GALNTL6: variants seen among roughly 807,000 people sequenced by gnomAD.
GALNTL6 encodes polypeptide N-acetylgalactosaminyltransferase like 6, also known as polypeptide N-acetylgalactosaminyltransferase-like 6.
Under a neutral mutation model 73.7 loss-of-function variants are expected in GALNTL6, and 46 were observed. The ratio of observed to expected loss-of-function variants is 0.62; its 90% CI spans 0.49 to 0.80. GALNTL6 has a LOEUF of 0.80. Among genes scored for constraint, GALNTL6 ranks in the 30% least tolerant of loss-of-function variants. The pLI, the probability that GALNTL6 is intolerant of heterozygous loss-of-function variation, is 0.00. For synonymous variants in GALNTL6, 259 were observed against 263.7 expected, an observed-to-expected ratio of 0.98 and a Z score of 0.17; for missense variants, 604 against 755.0, an observed-to-expected ratio of 0.80 and a Z score of 2.34.
intron 2 of GALNTL6, among the ~76,000 whole-genome samples, chr4:171,946,918 GGGT>G (rs1738719163): frequency 6.7e-6 from 1 of 150,260 alleles, no homozygotes; most frequent in Admixed American, 6.7e-5. Context: ...AAGTTCCGGG[GGGT>G]ACAAATAAAA....
intron 2 of GALNTL6, chr4:171,815,566 G>T (rs879613248): frequency 1.3e-5 from 2 of 152,178 alleles, no homozygotes; most frequent in Non-Finnish European, 1.5e-5. Flanking sequence ...AATAGCTTCC[G>T]TAATTAAACG....
At chr4:172,518,132 C>G (rs976185551) in intron 5 of GALNTL6, among the ~76,000 whole-genome samples, 13 of 151,376 alleles carry the variant, frequency 8.6e-5, no homozygotes, top group Non-Finnish European at 1.8e-4. Flanking sequence ...CCAAAGGGAT[C>G]CTGGCTATTT....
chr4:172,716,111 AT>A (rs5864160), intron 5 of GALNTL6, among the ~76,000 whole-genome samples: 145,299 of 151,812 alleles, frequency 0.96, 69,837 homozygotes, highest in East Asian at 1. Flanking sequence ...AACTCTAGAG[AT>A]TTTTTTTTTA....
At chr4:172,261,998 T>C (rs1738273276) in intron 3 of GALNTL6, among the ~76,000 whole-genome samples, 2 of 151,404 alleles carry the variant, frequency 1.3e-5, no homozygotes, top group Non-Finnish European at 3.0e-5. Flanking sequence ...GAGTACTTGA[T>C]ATAATTGTTT....
At position 171,967,450 on chromosome 4, in the gene GALNTL6, T is replaced by TTTTTTTTTTG. The variant is rs1553976658; in HGVS notation, c.138+152741_138+152742insGTTTTTTTTT. On this transcript the variant is annotated intron_variant, in intron 2 of 12. Transcript: ENST00000506823. ...TGTAGTTTTCTTCCCCCTATGGGTT[T>TTTTTTTTTTG]TTTTTTTTTTTTTTTGTAGATGTAG... Among the ~76,000 whole-genome samples the TTTTTTTTTTG allele has an allele frequency of 3.1e-4, 42 of 133,388 alleles. 1 individual carries two copies. The highest frequency in any genetic ancestry group is 2.8e-3 in the East Asian group (13 of 4,604). 87.5% of individuals were successfully genotyped at this position (133,388 alleles called of 152,430 possible).
intron 8 of GALNTL6, among the ~76,000 whole-genome samples, chr4:172,919,779 C>G (rs1485771018): frequency 6.6e-6 from 1 of 152,098 alleles, no homozygotes; most frequent in Non-Finnish European, 1.5e-5. Context: ...AGGGAAATGA[C>G]AGGTTAGGTC....
At position 172,069,452 on chromosome 4, in the gene GALNTL6, TATAACACAC is replaced by T. The variant is rs1206855483; in HGVS notation, c.139-160200_139-160192del. On this transcript the variant is annotated intron_variant, in intron 2 of 12. Coordinates refer to ENST00000506823, the MANE Select transcript of GALNTL6 (RefSeq NM_001034845.3). ...ACACATATAACATATATATGTAATA[TATAACACAC>T]ATATAACATATATGTTATATATAAC... Among the ~76,000 whole-genome samples the T allele has an allele frequency of 1.1e-3, 84 of 79,872 alleles. 2 individuals carry two copies. Among genetic ancestry groups the T allele is most frequent in the African/African-American group, 3.1e-3 (71 of 22,974 alleles). The allele number at this position is 79,872 out of a possible 152,430, so 52.4% of individuals were successfully genotyped here. A position where few individuals can be genotyped will look rare whatever the true frequency, so the allele number is the denominator to read the frequency against.
intron 8 of GALNTL6, among the ~76,000 whole-genome samples, chr4:172,908,503 A>G (rs1020804034): frequency 2.6e-5 from 4 of 152,026 alleles, no homozygotes; most frequent in African/African-American, 9.7e-5. Flanking sequence ...GAAATTTTCT[A>G]TTAGGTAATA....
At chr4:172,147,961 C>G (rs554835927) in intron 2 of GALNTL6, among the ~76,000 whole-genome samples, 1 of 152,108 alleles carries the variant, frequency 6.6e-6, no homozygotes, top group Non-Finnish European at 1.5e-5. Flanking sequence ...AAATTTTGAT[C>G]TTTATTACTT....
At chr4:171,928,699 T>C (rs982016436) in intron 2 of GALNTL6, among the ~76,000 whole-genome samples, 2 of 152,214 alleles carry the variant, frequency 1.3e-5, no homozygotes, top group East Asian at 3.8e-4. Flanking sequence ...CTTTCCCCTT[T>C]CTATGTTTAG....
intron 2 of GALNTL6, among the ~76,000 whole-genome samples, chr4:171,900,050 A>C (rs1737034779): frequency 6.6e-6 from 1 of 152,044 alleles, no homozygotes; most frequent in Non-Finnish European, 1.5e-5. Context: ...TATTAAACTA[A>C]ATGAGGGTTA....
At chr4:173,020,667 C>A (rs745642547) in intron 11 of GALNTL6, among the ~76,000 whole-genome samples, 7 of 152,200 alleles carry the variant, frequency 4.6e-5, no homozygotes, top group Non-Finnish European at 7.3e-5. Context: ...GTGCTAGCAT[C>A]AATTCGGCTC....
rs372658380 is a variant in GALNTL6 at position 172,474,488 on chromosome 4, G to A, written c.553+125799G>A. On this transcript the variant is annotated intron_variant, in intron 5 of 12. Transcript: ENST00000506823. ...ATTGGTATCCCAGAGGATGCCCAGA[G>A]CCTGGCATATACTAACTGTACAGAA... Among the ~76,000 whole-genome samples, 42 of 152,332 alleles carry A rather than the reference G, an allele frequency of 2.8e-4. No homozygotes were observed. In the South Asian group the frequency reaches 8.3e-3, roughly 30 times the overall value.
At chr4:172,644,053 T>A (rs1408553556) in intron 5 of GALNTL6, among the ~76,000 whole-genome samples, 2 of 151,960 alleles carry the variant, frequency 1.3e-5, no homozygotes, top group African/African-American at 4.8e-5. Context: ...CTTCAAAATT[T>A]AGTATTTTCT....
At chr4:172,837,095 G>T (rs1372312618) in intron 7 of GALNTL6, among the ~76,000 whole-genome samples, 1 of 152,140 alleles carries the variant, frequency 6.6e-6, no homozygotes, top group African/African-American at 2.4e-5. Flanking sequence ...AGTTATCTAT[G>T]TGCCAAAAAC....
intron 3 of GALNTL6, among the ~76,000 whole-genome samples, chr4:172,237,879 CA>C (rs1378136373): frequency 1.3e-5 from 2 of 151,982 alleles, no homozygotes; most frequent in African/African-American, 4.8e-5. Context: ...TCAGCTTTGT[CA>C]AAGATCAGGT....
At chr4:172,099,611 C>A (rs1403790454) in intron 2 of GALNTL6, among the ~76,000 whole-genome samples, 3 of 151,540 alleles carry the variant, frequency 2.0e-5, no homozygotes, top group Non-Finnish European at 3.0e-5. Flanking sequence ...TAAAAGGATC[C>A]TTTGTGTTCC....
intron 3 of GALNTL6, among the ~76,000 whole-genome samples, chr4:172,243,533 A>G (rs1250946258): frequency 2.0e-5 from 3 of 152,142 alleles, no homozygotes; most frequent in East Asian, 3.9e-4. Flanking sequence ...TACATTAGGA[A>G]AGTATCCTGA....
intron 2 of GALNTL6, among the ~76,000 whole-genome samples, chr4:172,223,161 G>A (rs1736741900): frequency 1.3e-5 from 2 of 151,984 alleles, no homozygotes; most frequent in South Asian, 4.1e-4. Flanking sequence ...AGTATGGACT[G>A]ACTAGAAGTT....
Sources: gnomAD v4.1 joint callset for allele counts (sites outside exome capture counted in the v4.1 genomes callset) on GRCh38, gnomAD v4.1.1 for gene constraint, MANE v1.5 for transcripts, NCBI Gene and HGNC (gene_info 2026-07-23, HGNC 2026-07-21) for gene names.